Variants in ADRA1B observed in about 807,000 individuals in gnomAD.
ADRA1B encodes adrenoceptor alpha 1B, also known as alpha-1B adrenergic receptor.
ADRA1B carries 17 observed loss-of-function variants against 17.9 expected under a neutral mutation model. The ratio of observed to expected loss-of-function variants is 0.95; its 90% CI spans 0.65 to 1.42. The LOEUF is 1.42. Among genes scored for constraint, ADRA1B ranks in the 40% most tolerant of loss-of-function variants. The probability of loss-of-function intolerance (pLI) is 0.00; values close to 1 mark genes in which losing one functional copy is unlikely to be tolerated. For missense variants in ADRA1B, 681 were observed against 722.1 expected, an observed-to-expected ratio of 0.94 and a Z score of 0.65; for synonymous variants, 366 against 327.6, an observed-to-expected ratio of 1.12 and a Z score of -1.27.
chr5:159,899,271 G>GAAGGAAGGAAGGAAGA (rs1554088327), intron 1 of ADRA1B, among the ~76,000 whole-genome samples: 2,513 of 115,576 alleles, frequency 0.022, 26 homozygotes, highest in African/African-American at 0.032. Context: ...AGAAAGGAAG[G>GAAGGAAGGAAGGAAGA]AAGGAAGGAA....
chr5:159,878,374 T>A (rs1213398911), intron 1 of ADRA1B, among the ~76,000 whole-genome samples: 3 of 152,108 alleles, frequency 2.0e-5, no homozygotes, highest in Non-Finnish European at 2.9e-5. Flanking sequence ...TTGAGCCAAC[T>A]GAGAAGAGAA....
intron 1 of ADRA1B, among the ~76,000 whole-genome samples, chr5:159,867,250 T>C (rs1168425492): frequency 6.6e-6 from 1 of 152,144 alleles, no homozygotes; most frequent in Non-Finnish European, 1.5e-5. Flanking sequence ...CCTCAAGACA[T>C]TTGCATTTTT....
chr5:159,936,217 A>C (rs959065727), intron 1 of ADRA1B, among the ~76,000 whole-genome samples: 8 of 152,126 alleles, frequency 5.3e-5, no homozygotes, highest in African/African-American at 1.9e-4. Flanking sequence ...CTACAATGCA[A>C]AGGAGATCTC....
Position 159,972,134 on chromosome 5 carries a change from C to A in ADRA1B, c.1205C>A (p.Ser402Ter), listed in dbSNP as rs931846104. The A allele has an allele frequency of 3.7e-6, 5 of 1,334,416 alleles. No individual in the cohort carries two copies. The Admixed American group carries it at 9.2e-5, about 24-fold the overall frequency. The allele number at this position is 1,334,416 out of a possible 1,614,324, so 82.7% of individuals were successfully genotyped here. Residue 402 changes from serine to a stop codon, truncating the protein, a stop_gained, in exon 2 of 2, where the codon TCG (serine) becomes TAG (stop). Coordinates refer to ENST00000306675, the MANE Select transcript of ADRA1B (RefSeq NM_000679.4). LOFTEE classifies it low-confidence loss of function (END_TRUNC). ...GGCGGCTCGCTGGAGCGCTCGCAGT[C>A]GCGCAAGGACTCGCTGGACGACAGC... ...TRGGSLERSQ[S>*]RKDSLDDSGS...
intron 1 of ADRA1B, among the ~76,000 whole-genome samples, chr5:159,922,376 G>A (rs761696535): frequency 5.3e-5 from 8 of 152,294 alleles, no homozygotes; most frequent in Admixed American, 2.0e-4. Flanking sequence ...ATCCAAGTCC[G>A]TCAGAACAGA....
intron 1 of ADRA1B, 130 bp from the exon 2 acceptor site, chr5:159,971,749 G>T: frequency 2.0e-6 from 2 of 986,264 alleles, no homozygotes; most frequent in Non-Finnish European, 2.7e-6. Flanking sequence ...AGAGGAACCG[G>T]CTCGGGGAAA....
chr5:159,917,244 G>C lies in ADRA1B; in HGVS notation c.339G>C (p.Leu113=), dbSNP rs1032404510. Residue 113 remains leucine, a synonymous_variant, in exon 1 of 2, where the codon CTG becomes CTC. Transcript: ENST00000306675. ...AALEVLGYWV[L]GRIFCDIWAA... ...TAGAGGTGCTCGGCTACTGGGTGCT[G>C]GGGCGGATCTTCTGTGACATCTGGG... The C allele has an allele frequency of 9.3e-6, 15 of 1,614,006 alleles. No individual in the cohort carries two copies. Among genetic ancestry groups the C allele is most frequent in the Non-Finnish European group, 1.3e-5 (15 of 1,180,038 alleles).
rs1264981581 is a variant in ADRA1B at position 159,881,679 on chromosome 5, G to C, written c.-256+16473G>C. Among the ~76,000 whole-genome samples, 3 of 152,076 alleles carry C rather than the reference G, an allele frequency of 2.0e-5. 1 individual carries two copies. The highest frequency in any genetic ancestry group is 4.1e-4 in the South Asian group (2 of 4,828). Reference sequence around the variant, plus strand: ...GCAAGGATTCGAAGGCTGTCTTAGAGAGGAGGGAAGAATCTTTGGGAAGGA... The same window carrying C: ...GCAAGGATTCGAAGGCTGTCTTAGACAGGAGGGAAGAATCTTTGGGAAGGA... On this transcript the variant is annotated intron_variant, in intron 1 of 2. Transcript: ENST00000641205.
Position 159,877,595 on chromosome 5 carries a change from A to T in ADRA1B, c.-256+12389A>T, listed in dbSNP as rs538291317. ...CACTAGGGCAGTGGTCACAAAAATC[A>T]TTAAATCACAGTCATCATAGCCACT... is the stretch of plus-strand genomic sequence containing the variant. On this transcript the variant is annotated intron_variant, in intron 1 of 2. Coordinates refer to the ADRA1B transcript ENST00000641205. Among the ~76,000 whole-genome samples the T allele has an allele frequency of 1.1e-4, 16 of 152,300 alleles. No homozygotes were observed. In the East Asian group the frequency reaches 2.9e-3, roughly 28 times the overall value.
At position 159,972,400 on chromosome 5, in the gene ADRA1B, G is replaced by C. The variant is rs1755893196; in HGVS notation, c.1471G>C (p.Ala491Pro). The stretch of plus-strand genomic sequence containing the variant: ...CGAGAGCCCCGGGACCGACGGCGGC[G>C]CCAGCAACGGAGGCTGCGAGGCCGC... ...EPESPGTDGG[A>P]SNGGCEAAAD... is the part of the protein sequence containing the mutation. The change falls in exon 2 of 2, where the codon GCC (alanine) becomes CCC (proline). Residue 491 changes from alanine (A) to proline (P), a missense_variant. Around this residue, in one of 3 missense-constraint regions of ADRA1B, gnomAD observed 251 missense variants for 224.9 expected, o/e 1.12. Coordinates refer to ENST00000306675, the MANE Select transcript of ADRA1B (RefSeq NM_000679.4). 1.3e-6 allele frequency: 2 copies of C among 1,510,328 alleles called. No individual in the cohort carries two copies. Among genetic ancestry groups the C allele is most frequent in the Non-Finnish European group, 1.8e-6 (2 of 1,135,350 alleles). The allele number at this position is 1,510,328 out of a possible 1,614,324, so 93.6% of individuals were successfully genotyped here.
intron 1 of ADRA1B, among the ~76,000 whole-genome samples, chr5:159,934,666 A>T (rs1033652598): frequency 7.9e-5 from 12 of 151,978 alleles, no homozygotes; most frequent in Admixed American, 4.6e-4. Context: ...TTAGCCCGGT[A>T]TGGTGGCAGG....
At chr5:159,879,398 T>A (rs894237838) in intron 1 of ADRA1B, among the ~76,000 whole-genome samples, 2 of 152,042 alleles carry the variant, frequency 1.3e-5, no homozygotes, top group Non-Finnish European at 2.9e-5. Flanking sequence ...GAATGACATC[T>A]TTTGGTTATC....
At chr5:159,938,834 G>A (rs1314539958) in intron 1 of ADRA1B, among the ~76,000 whole-genome samples, 1 of 152,188 alleles carries the variant, frequency 6.6e-6, no homozygotes, top group East Asian at 1.9e-4. Flanking sequence ...AGACTCTTAA[G>A]TCCTCAGCGA....
At chr5:159,895,764 C>A (rs552606384) in intron 1 of ADRA1B, among the ~76,000 whole-genome samples, 4 of 152,340 alleles carry the variant, frequency 2.6e-5, no homozygotes, top group South Asian at 4.1e-4. Flanking sequence ...TTTTGCATTT[C>A]TTGTGCTATA....
At chr5:159,868,394 T>C (rs1364927363) in intron 1 of ADRA1B, 1 of 152,172 alleles carries the variant, frequency 6.6e-6, no homozygotes, top group African/African-American at 2.4e-5. Flanking sequence ...GAAAGGATAC[T>C]CAGAGTAAAC....
At chr5:159,932,504 C>T (rs906215756) in intron 1 of ADRA1B, among the ~76,000 whole-genome samples, 11 of 152,220 alleles carry the variant, frequency 7.2e-5, no homozygotes, top group Admixed American at 3.3e-4. Flanking sequence ...TAGAAGGTAT[C>T]GTAATATACT....
chr5:159,891,029 C>A (rs1215549650), intron 1 of ADRA1B, among the ~76,000 whole-genome samples: 1 of 152,140 alleles, frequency 6.6e-6, no homozygotes, highest in African/African-American at 2.4e-5. Flanking sequence ...CTAACTATAT[C>A]CCCTCAGTGA....
At position 159,917,034 on chromosome 5, in the gene ADRA1B, C is replaced by T; in HGVS notation, c.129C>T (p.Thr43=). The part of the protein sequence containing the change: ...SNSTLPQLDI[T]RAISVGLVLG... ...CCACACTGCCCCAGCTGGACATCAC[C>T]AGGGCCATCTCTGTGGGCCTGGTGC... Residue 43 remains threonine, a synonymous_variant, in exon 1 of 2, where the codon ACC becomes ACT. Transcript: ENST00000306675. 6.2e-7 allele frequency: 1 copy of T among 1,614,180 alleles called. No individual in the cohort carries two copies. The highest frequency in any genetic ancestry group is 8.5e-7 in the Non-Finnish European group (1 of 1,180,026).
chr5:159,869,209 C>G (rs1216114927), intron 1 of ADRA1B: 1 of 152,192 alleles, frequency 6.6e-6, no homozygotes, highest in African/African-American at 2.4e-5. Flanking sequence ...CTGAATACTC[C>G]TACTCTATTC....
Sources: gnomAD v4.1 joint callset for allele counts (sites outside exome capture counted in the v4.1 genomes callset) on GRCh38, gnomAD v4.1.1 for gene constraint, gnomAD v4.1.1 regional missense constraint, MANE v1.5 for transcripts, NCBI Gene and HGNC (gene_info 2026-07-23, HGNC 2026-07-21) for gene names.